Variants in NKAIN2 observed in about 807,000 individuals in gnomAD.
NKAIN2 encodes sodium/potassium-transporting ATPase subunit beta-1-interacting protein 2.
Under a neutral mutation model 32.6 loss-of-function variants are expected in NKAIN2, and 14 were observed. The ratio of observed to expected loss-of-function variants is 0.43; its 90% confidence interval spans 0.28 to 0.67. The LOEUF is 0.67. Among genes scored for constraint, NKAIN2 ranks in the 30% least tolerant of loss-of-function variants. The probability of loss-of-function intolerance (pLI) is 0.17; values close to 1 mark genes in which losing one functional copy is unlikely to be tolerated. For missense variants in NKAIN2, 198 were observed against 258.3 expected (o/e 0.77, Z 1.60); for synonymous variants, 80 against 87.2 (o/e 0.92, Z 0.46).
chr6:124,543,539 T>C (rs1371239614), intron 3 of NKAIN2, among the ~76,000 whole-genome samples: 1 of 152,160 alleles, frequency 6.6e-6, no homozygotes, highest in Non-Finnish European at 1.5e-5. Flanking sequence ...TGTTAAAAGA[T>C]TTAAATTATT....
intron 2 of NKAIN2, among the ~76,000 whole-genome samples, chr6:124,298,701 G>A (rs189492655): frequency 2.7e-4 from 41 of 152,246 alleles, no homozygotes; most frequent in African/African-American, 9.9e-4. Flanking sequence ...GCAGTTTCTT[G>A]CCTTCTGTGA....
At chr6:124,464,075 C>T (rs903990059) in intron 3 of NKAIN2, among the ~76,000 whole-genome samples, 10 of 151,986 alleles carry the variant, frequency 6.6e-5, no homozygotes, top group African/African-American at 9.7e-5. Flanking sequence ...CTCCATCTCC[C>T]GGGTTCAAAT....
At chr6:124,543,881 T>C (rs1369680231) in intron 3 of NKAIN2, among the ~76,000 whole-genome samples, 1 of 152,082 alleles carries the variant, frequency 6.6e-6, no homozygotes, top group African/African-American at 2.4e-5. Context: ...CCTATAAGTA[T>C]AAAAGGTAGG....
At chr6:124,618,374 A>G in intron 3 of NKAIN2, among the ~76,000 whole-genome samples, 1 of 152,206 alleles carries the variant, frequency 6.6e-6, no homozygotes, top group Non-Finnish European at 1.5e-5. Flanking sequence ...CTTACTCAGG[A>G]GGCTGAGGCA....
At chr6:124,753,914 T>G (rs1250407427) in intron 4 of NKAIN2, among the ~76,000 whole-genome samples, 1 of 152,110 alleles carries the variant, frequency 6.6e-6, no homozygotes, top group Non-Finnish European at 1.5e-5. Flanking sequence ...TTTGAGTGAT[T>G]CAAACTTTAC....
intron 3 of NKAIN2, among the ~76,000 whole-genome samples, chr6:124,500,369 C>T (rs1778238495): frequency 6.6e-6 from 1 of 151,832 alleles, no homozygotes; most frequent in Non-Finnish European, 1.5e-5. Flanking sequence ...GAAGATATGG[C>T]CAGGTGCGGT....
intron 1 of NKAIN2, among the ~76,000 whole-genome samples, chr6:124,077,632 CTT>C (rs879739693): frequency 1.4e-5 from 2 of 145,400 alleles, no homozygotes; most frequent in Non-Finnish European, 1.5e-5. Flanking sequence ...TTTTTAAATT[CTT>C]TTTTTTTTTT....
chr6:123,914,448 G>A (rs1380022647), intron 1 of NKAIN2, among the ~76,000 whole-genome samples: 1 of 152,132 alleles, frequency 6.6e-6, no homozygotes, highest in Non-Finnish European at 1.5e-5. Flanking sequence ...AATCCTATCA[G>A]ATCAGGGACC....
At chr6:124,034,710 G>A (rs773882920) in intron 1 of NKAIN2, among the ~76,000 whole-genome samples, 7 of 151,952 alleles carry the variant, frequency 4.6e-5, no homozygotes, top group Admixed American at 6.6e-5. Flanking sequence ...GTTTCCAAAG[G>A]AGTTGAACTA....
intron 4 of NKAIN2, among the ~76,000 whole-genome samples, chr6:124,734,644 G>C (rs755991184): frequency 2.2e-4 from 34 of 151,852 alleles, no homozygotes; most frequent in Non-Finnish European, 3.1e-4. Context: ...TCCAAGAGTA[G>C]GTAGTGGAAA....
chr6:123,944,629 T>C (rs1776984208), intron 1 of NKAIN2, among the ~76,000 whole-genome samples: 1 of 152,106 alleles, frequency 6.6e-6, no homozygotes, highest in Non-Finnish European at 1.5e-5. Flanking sequence ...CTCTTCTTGG[T>C]GACAAACACT....
intron 2 of NKAIN2, among the ~76,000 whole-genome samples, chr6:124,325,027 A>T (rs1036546167): frequency 3.9e-5 from 6 of 152,134 alleles, no homozygotes; most frequent in Non-Finnish European, 8.8e-5. Flanking sequence ...AACTTTACAT[A>T]TATAAATTTA....
At chr6:124,540,820 A>G (rs1268597701) in intron 3 of NKAIN2, among the ~76,000 whole-genome samples, 1 of 152,204 alleles carries the variant, frequency 6.6e-6, no homozygotes, top group East Asian at 1.9e-4. Flanking sequence ...ATTATAAAAT[A>G]GGCTTTGTGT....
At chr6:124,613,583 CATAAAT>C (rs1275198097) in intron 3 of NKAIN2, among the ~76,000 whole-genome samples, 1 of 152,078 alleles carries the variant, frequency 6.6e-6, no homozygotes, top group Non-Finnish European at 1.5e-5. Context: ...CCATTTAGAA[CATAAAT>C]CAGCACTTAG....
chr6:124,820,432 GAATA>G (rs1781346958), intron 6 of NKAIN2, among the ~76,000 whole-genome samples: 2 of 152,100 alleles, frequency 1.3e-5, no homozygotes, highest in South Asian at 2.1e-4. Context: ...TTATATGAAA[GAATA>G]TATATAAAGC....
intron 2 of NKAIN2, among the ~76,000 whole-genome samples, chr6:124,309,162 T>A (rs1796621562): frequency 6.6e-6 from 1 of 152,098 alleles, no homozygotes; most frequent in Non-Finnish European, 1.5e-5. Context: ...GAAAGTGCAG[T>A]GGACAGGGAA....
In NKAIN2 at chr6:124,639,444, A is replaced by G. The variant is rs116639460; in HGVS notation, c.274-18742A>G. ...TGTGTGGGAGTTCCAGACCAGTCTGACCAATATGGTGAAACCCCATCTCTG... is the reference window on the plus strand; with the variant it reads ...TGTGTGGGAGTTCCAGACCAGTCTGGCCAATATGGTGAAACCCCATCTCTG... On this transcript the variant is annotated intron_variant, in intron 3 of 6. Coordinates refer to ENST00000368417, the MANE Select transcript of NKAIN2 (RefSeq NM_001040214.3). Among the ~76,000 whole-genome samples, 1,254 of 152,188 alleles carry G rather than the reference A, an allele frequency of 8.2e-3. 16 individuals carry two copies. Among genetic ancestry groups the G allele is most frequent in the African/African-American group, 0.029 (1,200 of 41,526 alleles).
At chr6:124,034,368 G>A (rs891795854) in intron 1 of NKAIN2, among the ~76,000 whole-genome samples, 1 of 151,944 alleles carries the variant, frequency 6.6e-6, no homozygotes, top group Non-Finnish European at 1.5e-5. Flanking sequence ...GAGAACATGT[G>A]GTATTTGATT....
chr6:124,516,196 G>A (rs1238152793), intron 3 of NKAIN2, among the ~76,000 whole-genome samples: 2 of 152,088 alleles, frequency 1.3e-5, no homozygotes, highest in African/African-American at 2.4e-5. Flanking sequence ...TATGATAAGT[G>A]CTATAAAAAG....
Sources: gnomAD v4.1 joint callset for allele counts (sites outside exome capture counted in the v4.1 genomes callset) on GRCh38, gnomAD v4.1.1 for gene constraint, MANE v1.5 for transcripts, NCBI Gene and HGNC (gene_info 2026-07-23, HGNC 2026-07-21) for gene names.